The following R3HDM1 variants were observed in gnomAD, a reference collection of about 807,000 sequenced individuals.
R3HDM1 encodes R3H domain-containing protein 1.
Under a neutral mutation model 141.1 loss-of-function variants are expected in R3HDM1, and 46 were observed. The observed-to-expected ratio is 0.33, with a 90% CI of 0.26 to 0.42. The LOEUF (loss-of-function observed/expected upper bound fraction) is 0.42. Among genes scored for constraint, R3HDM1 ranks in the 10% least tolerant of loss-of-function variants. The pLI, the probability that R3HDM1 is intolerant of heterozygous loss-of-function variation, is 1.00. For missense variants in R3HDM1, 1,184 were observed against 1,368.3 expected (o/e 0.87, Z 2.12); for synonymous variants, 435 against 472.9 (o/e 0.92, Z 1.04).
chr2:135,566,402 AAG>A (rs1573877603), intron 1 of R3HDM1, among the ~76,000 whole-genome samples: 1 of 152,312 alleles, frequency 6.6e-6, no homozygotes, highest in East Asian at 1.9e-4. Context: ...GTTAGGGAGT[AAG>A]AGTGATACTG....
Position 135,724,071 on chromosome 2 carries a change from C to T in R3HDM1, c.3184C>T (p.Arg1062Cys), listed in dbSNP as rs754736584. Reference sequence around the variant, plus strand: ...CCGGGACCCCCAGTCCCAACCACGTCGTCACCCCCTCTGCTGTGGCAGTGG... The same window carrying T: ...CCGGGACCCCCAGTCCCAACCACGTTGTCACCCCCTCTGCTGTGGCAGTGG... ...WLRDPQSQPRRHPLCCGSGDN... is the reference protein window; with the variant it reads ...WLRDPQSQPRCHPLCCGSGDN... The change falls in exon 27 of 27, where the codon CGT becomes TGT. Residue 1062 changes from arginine (R) to cysteine (C), a missense_variant. Around this residue, in one of 5 missense-constraint regions of R3HDM1, gnomAD observed 182 missense variants for 252.6 expected, o/e 0.72. Coordinates refer to ENST00000683871, the MANE Select transcript of R3HDM1 (RefSeq NM_001378107.1). 1.1e-5 allele frequency: 18 copies of T among 1,614,100 alleles called. No homozygotes were observed. Among genetic ancestry groups the T allele is most frequent in the Non-Finnish European group, 1.4e-5 (16 of 1,179,984 alleles).
chr2:135,623,657 C>T (rs1352825199), intron 7 of R3HDM1, among the ~76,000 whole-genome samples: 1 of 152,048 alleles, frequency 6.6e-6, no homozygotes, highest in African/African-American at 2.4e-5. Context: ...TTTTTTTCCT[C>T]CAGTTCAAGT....
intron 23 of R3HDM1, among the ~76,000 whole-genome samples, chr2:135,711,126 T>G (rs1263360306): frequency 1.3e-5 from 2 of 152,244 alleles, no homozygotes; most frequent in Non-Finnish European, 2.9e-5. Flanking sequence ...TGATATACTC[T>G]TACCGAAATT....
At chr2:135,623,758 A>C (rs887889846) in intron 7 of R3HDM1, among the ~76,000 whole-genome samples, 1 of 152,228 alleles carries the variant, frequency 6.6e-6, no homozygotes, top group Non-Finnish European at 1.5e-5. Context: ...AACATTGTAG[A>C]TATGAAAAGG....
At chr2:135,716,510 A>ATGC (rs2076163883) in intron 24 of R3HDM1, among the ~76,000 whole-genome samples, 1 of 152,218 alleles carries the variant, frequency 6.6e-6, no homozygotes, top group African/African-American at 2.4e-5. Context: ...CCTAAGGATA[A>ATGC]TGCACACAAA....
chr2:135,550,994 G>A (rs1559105593), intron 1 of R3HDM1, among the ~76,000 whole-genome samples: 1 of 152,142 alleles, frequency 6.6e-6, no homozygotes, highest in Non-Finnish European at 1.5e-5. Context: ...CTTCTGTCTT[G>A]ACTCAAGTCA....
At chr2:135,692,448 T>G (rs188429073) in intron 21 of R3HDM1, among the ~76,000 whole-genome samples, 372 of 152,152 alleles carry the variant, frequency 2.4e-3, no homozygotes, top group Non-Finnish European at 3.5e-3. Flanking sequence ...AAACATTAGC[T>G]GGGCGTGGTG....
chr2:135,717,035 C>T (rs954873877), intron 24 of R3HDM1, among the ~76,000 whole-genome samples: 6 of 152,122 alleles, frequency 3.9e-5, no homozygotes, highest in Admixed American at 1.3e-4. Flanking sequence ...ACAAGTTACA[C>T]AGACATTTTG....
Position 135,648,776 on chromosome 2 carries a change from T to TAA in R3HDM1, c.1624-1110_1624-1109dup, listed in dbSNP as rs80306666. Among the ~76,000 whole-genome samples, 506 of 129,722 alleles carry TAA rather than the reference T, an allele frequency of 3.9e-3. 2 individuals are homozygous for TAA. Among genetic ancestry groups the TAA allele is most frequent in the African/African-American group, 0.013 (473 of 37,202 alleles). 85.1% of individuals were successfully genotyped at this position (129,722 alleles called of 152,430 possible). On this transcript the variant is annotated intron_variant, in intron 16 of 26. Coordinates refer to ENST00000683871, the MANE Select transcript of R3HDM1 (RefSeq NM_001378107.1). ...CAAGATTGAAAAGTGATTACAACTT[T>TAA]AAAAAAAAAAAAAAAAACACCTGTG... is the stretch of plus-strand genomic sequence containing the variant.
chr2:135,543,111 A>G, intron 1 of R3HDM1: 1 of 982,794 alleles, frequency 1.0e-6, no homozygotes, highest in Non-Finnish European at 1.2e-6. Flanking sequence ...GGGAGGATAC[A>G]GTCTCTGTAA....
rs375783235 is a variant in R3HDM1, at chr2:135,715,632, G to T, written c.2819G>T (p.Arg940Leu). Residue 940 changes from arginine to leucine, a missense_variant, in exon 24 of 27, where the codon CGT becomes CTT. This residue lies in a region of R3HDM1 where 182 missense variants were observed against 252.6 expected (regional missense o/e 0.72). Transcript: ENST00000683871. ...CAGCTGTCCACCCTGAAAACTGTAC[G>T]TCCCTCTGGACCACCACTTTCCATC... ...PAQLSTLKTV[R>L]PSGPPLSIMP... 4 of 1,613,826 alleles carry T rather than the reference G, an allele frequency of 2.5e-6. No homozygotes were observed. In the South Asian group the frequency reaches 3.3e-5, roughly 13 times the overall value.
intron 18 of R3HDM1, among the ~76,000 whole-genome samples, chr2:135,659,843 T>C (rs901712191): frequency 3.3e-5 from 5 of 152,262 alleles, no homozygotes; most frequent in Admixed American, 2.0e-4. Context: ...CTGTCTGCTA[T>C]ACTTTTAAAC....
At chr2:135,625,534 C>T (rs2061930541) in intron 7 of R3HDM1, among the ~76,000 whole-genome samples, 1 of 152,170 alleles carries the variant, frequency 6.6e-6, no homozygotes, top group African/African-American at 2.4e-5. Flanking sequence ...TATATTTGGT[C>T]TGCCTCCGTT....
At chr2:135,599,409 G>A (rs1226537307) in intron 1 of R3HDM1, among the ~76,000 whole-genome samples, 5 of 152,108 alleles carry the variant, frequency 3.3e-5, no homozygotes, top group Non-Finnish European at 5.9e-5. Flanking sequence ...ATACTTGAAT[G>A]TCTATATTTT....
intron 21 of R3HDM1, among the ~76,000 whole-genome samples, chr2:135,706,643 A>G (rs2074964060): frequency 1.3e-5 from 2 of 152,148 alleles, no homozygotes; most frequent in African/African-American, 2.4e-5. Context: ...CCCTTAATCC[A>G]TTTAACCCTG....
intron 7 of R3HDM1, among the ~76,000 whole-genome samples, chr2:135,623,577 T>A (rs926839329): frequency 1.3e-5 from 2 of 152,174 alleles, no homozygotes; most frequent in Non-Finnish European, 2.9e-5. Flanking sequence ...CAAAATGAAG[T>A]GGTCTCTATA....
At chr2:135,622,626 A>G (rs758148090) in intron 6 of R3HDM1, 28 bp from the exon 7 acceptor site, 9 of 1,573,184 alleles carry the variant, frequency 5.7e-6, no homozygotes, top group Middle Eastern at 1.7e-4. Flanking sequence ...ACAACTTTAT[A>G]CTGGGTTTTT....
At chr2:135,575,870 C>CT (rs1205163330) in intron 1 of R3HDM1, among the ~76,000 whole-genome samples, 1 of 152,046 alleles carries the variant, frequency 6.6e-6, no homozygotes, top group Admixed American at 6.5e-5. Flanking sequence ...GCCTTTTTTA[C>CT]TTTTTAAGTT....
chr2:135,540,717 A>G (rs532960526), intron 1 of R3HDM1, among the ~76,000 whole-genome samples: 2 of 152,112 alleles, frequency 1.3e-5, no homozygotes, highest in Admixed American at 6.5e-5. Context: ...CATGCCCACA[A>G]ATGTTGTTAA....
Sources: allele counts gnomAD v4.1 joint callset (sites outside exome capture counted in the v4.1 genomes callset), GRCh38; gene constraint gnomAD v4.1.1; regional missense constraint gnomAD v4.1.1; transcripts MANE v1.5; gene names NCBI Gene and HGNC (gene_info 2026-07-23, HGNC 2026-07-21).